SHISA6: variants seen among roughly 807,000 people sequenced by gnomAD.
SHISA6 encodes the protein protein shisa-6.
SHISA6 carries 22 observed loss-of-function variants against 47.9 expected under a neutral mutation model. The ratio of observed to expected loss-of-function variants is 0.46; its 90% confidence interval spans 0.33 to 0.66. The LOEUF (loss-of-function observed/expected upper bound fraction) is 0.66, where lower values mean the gene tolerates loss of function less well. Ranked by LOEUF, SHISA6 falls within the 30% of genes least tolerant of loss-of-function variation. The probability of loss-of-function intolerance (pLI) is 0.02; values close to 1 mark genes in which losing one functional copy is unlikely to be tolerated. For synonymous variants in SHISA6, 388 were observed against 337.8 expected (o/e 1.15, Z -1.63); for missense variants, 680 against 764.6 (o/e 0.89, Z 1.30).
intron 2 of SHISA6, among the ~76,000 whole-genome samples, chr17:11,274,321 G>A (rs1270993182): frequency 2.0e-5 from 3 of 152,228 alleles, no homozygotes; most frequent in African/African-American, 7.2e-5. Context: ...CCCAAAATGA[G>A]GTGCCGGTCA....
intron 3 of SHISA6, among the ~76,000 whole-genome samples, chr17:11,519,679 T>A (rs1488390248): frequency 6.6e-6 from 1 of 152,100 alleles, no homozygotes; most frequent in African/African-American, 2.4e-5. Flanking sequence ...TTAAAAACAA[T>A]AATAACAGCT....
At chr17:11,385,138 A>C (rs1913151181) in intron 3 of SHISA6, among the ~76,000 whole-genome samples, 1 of 152,162 alleles carries the variant, frequency 6.6e-6, no homozygotes, top group Admixed American at 6.5e-5. Flanking sequence ...TGGAGTGGGG[A>C]GCTGCACTTT....
At chr17:11,359,772 A>G (rs1258067199) in intron 2 of SHISA6, among the ~76,000 whole-genome samples, 2 of 152,088 alleles carry the variant, frequency 1.3e-5, no homozygotes, top group Non-Finnish European at 2.9e-5. Flanking sequence ...TCTCACCGGG[A>G]AGTGGGAGAG....
intron 3 of SHISA6, among the ~76,000 whole-genome samples, chr17:11,435,906 T>A (rs1914923994): frequency 6.6e-6 from 1 of 152,174 alleles, no homozygotes; most frequent in East Asian, 1.9e-4. Context: ...TTCTTTTTGT[T>A]TTTCCTTTTT....
At chr17:11,274,976 G>A (rs4792116) in intron 2 of SHISA6, among the ~76,000 whole-genome samples, 123,020 of 151,648 alleles carry the variant, frequency 0.81, 50,536 homozygotes, top group South Asian at 0.89. Flanking sequence ...CCTGGAAAAC[G>A]GCGATGCATA....
chr17:11,281,466 A>G (rs1909118786), intron 2 of SHISA6, among the ~76,000 whole-genome samples: 1 of 152,166 alleles, frequency 6.6e-6, no homozygotes, highest in African/African-American at 2.4e-5. Context: ...TTGGTTTTCA[A>G]ATGTTAAACT....
intron 2 of SHISA6, among the ~76,000 whole-genome samples, chr17:11,330,261 G>T (rs1911049847): frequency 6.6e-6 from 1 of 152,082 alleles, no homozygotes; most frequent in African/African-American, 2.4e-5. Flanking sequence ...TGGAGGAGGG[G>T]GAGACAATCC....
In SHISA6 at chr17:11,563,716, G is replaced by A. The variant is rs1261424271; in HGVS notation, c.*5412G>A. 1.3e-5 allele frequency: 2 copies of A among 152,168 alleles called. No homozygotes were observed. Among genetic ancestry groups the A allele is most frequent in the Non-Finnish European group, 2.9e-5 (2 of 68,008 alleles). 9.4% of individuals were successfully genotyped at this position (152,168 alleles called of 1,614,324 possible). ...TCTCTAATAAAAAGCAATTCTTACTGTAATATTTTTAGTTTGGGGACACAA... is the reference window on the plus strand; with the variant it reads ...TCTCTAATAAAAAGCAATTCTTACTATAATATTTTTAGTTTGGGGACACAA... On this transcript the variant is annotated 3_prime_UTR_variant, in exon 6 of 6. Coordinates refer to ENST00000441885, the MANE Select transcript of SHISA6 (RefSeq NM_207386.4).
At chr17:11,335,865 T>C (rs1911301167) in intron 2 of SHISA6, among the ~76,000 whole-genome samples, 1 of 152,148 alleles carries the variant, frequency 6.6e-6, no homozygotes, top group Non-Finnish European at 1.5e-5. Flanking sequence ...ATAACACGCT[T>C]AGTGGTTCAA....
At chr17:11,523,797 G>A (rs533139820) in intron 3 of SHISA6, among the ~76,000 whole-genome samples, 50 of 152,288 alleles carry the variant, frequency 3.3e-4, no homozygotes, top group African/African-American at 9.9e-4. Context: ...CCTGAGGTCA[G>A]GAGTTCGAGA....
intron 2 of SHISA6, among the ~76,000 whole-genome samples, chr17:11,349,016 A>G (rs73975304): frequency 0.017 from 2,631 of 152,312 alleles, 77 homozygotes; most frequent in African/African-American, 0.057. Flanking sequence ...GGGGATTCAT[A>G]AAAAAGGAGC....
intron 3 of SHISA6, among the ~76,000 whole-genome samples, chr17:11,456,156 A>G (rs1915528139): frequency 6.6e-6 from 1 of 152,216 alleles, no homozygotes; most frequent in Non-Finnish European, 1.5e-5. Flanking sequence ...CTAAATGCAC[A>G]TTTTCAAAAA....
intron 3 of SHISA6, among the ~76,000 whole-genome samples, chr17:11,406,350 T>C (rs934511180): frequency 6.6e-5 from 10 of 152,230 alleles, no homozygotes; most frequent in African/African-American, 2.4e-4. Context: ...CATCTGTACC[T>C]CTGAGCTCTT....
At chr17:11,315,091 C>T (rs946200283) in intron 2 of SHISA6, among the ~76,000 whole-genome samples, 3 of 152,152 alleles carry the variant, frequency 2.0e-5, no homozygotes, top group African/African-American at 7.2e-5. Context: ...GTTTTCATAT[C>T]CAGAAATATG....
chr17:11,505,821 C>T (rs938933094), intron 3 of SHISA6, among the ~76,000 whole-genome samples: 1 of 152,146 alleles, frequency 6.6e-6, no homozygotes, highest in African/African-American at 2.4e-5. Context: ...GCCAGAGAAT[C>T]AACAACAATA....
chr17:11,446,276 T>C (rs1388882055), intron 3 of SHISA6, among the ~76,000 whole-genome samples: 1 of 152,096 alleles, frequency 6.6e-6, no homozygotes, highest in East Asian at 1.9e-4. Context: ...TTCTTGACTT[T>C]GGTGGTAGTC....
intron 3 of SHISA6, among the ~76,000 whole-genome samples, chr17:11,481,951 C>G (rs1035666541): frequency 2.0e-5 from 3 of 152,098 alleles, no homozygotes; most frequent in African/African-American, 7.2e-5. Flanking sequence ...AAGTGAAGGA[C>G]AGCTGGAGAT....
chr17:11,411,150 A>T (rs1914103681), intron 3 of SHISA6, among the ~76,000 whole-genome samples: 1 of 150,940 alleles, frequency 6.6e-6, no homozygotes, highest in South Asian at 2.1e-4. Flanking sequence ...TTGTATTCTT[A>T]GTAGAGACAG....
intron 3 of SHISA6, among the ~76,000 whole-genome samples, chr17:11,424,903 G>GA (rs1914565362): frequency 6.6e-6 from 1 of 151,176 alleles, no homozygotes; most frequent in African/African-American, 2.4e-5. Flanking sequence ...CAGCTACTGG[G>GA]GGCTGAGGCA....
Sources: allele counts gnomAD v4.1 joint callset (sites outside exome capture counted in the v4.1 genomes callset), GRCh38; gene constraint gnomAD v4.1.1; transcripts MANE v1.5; gene names NCBI Gene and HGNC (gene_info 2026-07-23, HGNC 2026-07-21).